The following SLC25A38 variants were observed in gnomAD, a reference collection of about 807,000 sequenced individuals.
The protein encoded by SLC25A38 is mitochondrial glycine transporter.
In SLC25A38, 27 loss-of-function variants were observed where a neutral mutation model predicts 33.4. The observed-to-expected ratio is 0.81, with a 90% CI of 0.60 to 1.11. The LOEUF (loss-of-function observed/expected upper bound fraction) is 1.11, where lower values mean the gene tolerates loss of function less well. Ranked by LOEUF, SLC25A38 falls within the 50% of genes most tolerant of loss-of-function variation. SLC25A38 has a pLI of 0.00. For synonymous variants in SLC25A38, 123 were observed against 145.9 expected (o/e 0.84, Z 1.13); for missense variants, 344 against 388.8 (o/e 0.88, Z 0.97).
At chr3:39,387,690 C>T (rs753116998) in intron 1 of SLC25A38, 1 of 152,476 alleles carries the variant, frequency 6.6e-6, no homozygotes, top group Non-Finnish European at 1.5e-5. Flanking sequence ...CCAGCCTGGG[C>T]TGGAGATGTG....
At chr3:39,385,662 A>G (rs953756751) in intron 1 of SLC25A38, among the ~76,000 whole-genome samples, 1 of 152,182 alleles carries the variant, frequency 6.6e-6, no homozygotes, top group Non-Finnish European at 1.5e-5. Flanking sequence ...TTAGGTGGTA[A>G]GATTCATTCC....
At chr3:39,394,252 AC>A (rs1355416455) in intron 5 of SLC25A38, among the ~76,000 whole-genome samples, 157 bp from the exon 6 acceptor site, 1 of 152,214 alleles carries the variant, frequency 6.6e-6, no homozygotes, top group African/African-American at 2.4e-5. Flanking sequence ...CATTCCATCC[AC>A]ATAAATTTAC....
intron 5 of SLC25A38, among the ~76,000 whole-genome samples, chr3:39,393,113 G>A (rs147328395): frequency 5.9e-5 from 9 of 152,160 alleles, no homozygotes; most frequent in Non-Finnish European, 7.4e-5. Flanking sequence ...GGTGAAACCT[G>A]GTCTTTACTA....
chr3:39,392,637 CA>C (rs2041785128), intron 5 of SLC25A38, among the ~76,000 whole-genome samples: 1 of 151,928 alleles, frequency 6.6e-6, no homozygotes, highest in African/African-American at 2.4e-5. Flanking sequence ...AGGCAGTAAA[CA>C]ACGACCCAAG....
In SLC25A38 at chr3:39,396,188, C is replaced by T. The variant is rs567326101; in HGVS notation, c.793-210C>T. On this transcript the variant is annotated intron_variant, in intron 6 of 6. Coordinates refer to ENST00000650617, the MANE Select transcript of SLC25A38 (RefSeq NM_017875.4). ...TCGCGCCACTGCACTATAGCCTGGG[C>T]GACAGAGCCAGACTCTGCCTCGGAA... Among the ~76,000 whole-genome samples the T allele has an allele frequency of 1.2e-3, 188 of 151,394 alleles. 1 individual carries two copies. Among genetic ancestry groups the T allele is most frequent in the African/African-American group, 4.3e-3 (177 of 41,266 alleles).
chr3:39,384,454 TG>T (rs962125842), intron 1 of SLC25A38: 2 of 379,666 alleles, frequency 5.3e-6, no homozygotes, highest in African/African-American at 4.2e-5. Flanking sequence ...CTGAGGCCAC[TG>T]CAGCTGCCGC....
chr3:39,394,556 G>A lies in SLC25A38; in HGVS notation c.772G>A (p.Ala258Thr). The A allele has an allele frequency of 1.2e-6, 2 of 1,614,172 alleles. No homozygotes were observed. The highest frequency in any genetic ancestry group is 8.5e-7 in the Non-Finnish European group (1 of 1,180,032). Residue 258 changes from alanine to threonine, a missense_variant, in exon 6 of 7, where the codon GCA (alanine) becomes ACA (threonine). Coordinates refer to ENST00000650617, the MANE Select transcript of SLC25A38 (RefSeq NM_017875.4). ...ACTGAAGTTTCAATGGATTGGCCAA[G>A]CAGTGACACTTATTTTCAAAGTAAG... ...YPLKFQWIGQ[A>T]VTLIFKDYGL...
intron 1 of SLC25A38, among the ~76,000 whole-genome samples, chr3:39,387,364 G>A (rs2041717987): frequency 6.6e-6 from 1 of 152,202 alleles, no homozygotes; most frequent in Non-Finnish European, 1.5e-5. Context: ...TACTCTGGGA[G>A]CAGAGTGGAG....
At position 39,383,707 on chromosome 3, in the gene SLC25A38, T is replaced by C. The variant is rs1410065766; in HGVS notation, c.-18T>C. On this transcript the variant is annotated 5_prime_UTR_variant, in exon 1 of 7. Coordinates refer to ENST00000650617, the MANE Select transcript of SLC25A38 (RefSeq NM_017875.4). Reference sequence around the variant, plus strand: ...CGACGGCACCCTGGGCCCAGAGGACTCGCGGGCCTCATCTCCAATGATTCA... The same window carrying C: ...CGACGGCACCCTGGGCCCAGAGGACCCGCGGGCCTCATCTCCAATGATTCA... 1 of 1,613,850 alleles carries C rather than the reference T, an allele frequency of 6.2e-7. No homozygotes were observed. Among genetic ancestry groups the C allele is most frequent in the Non-Finnish European group, 8.5e-7 (1 of 1,179,898 alleles).
At position 39,389,380 on chromosome 3, in the gene SLC25A38, GCAC is replaced by G; in HGVS notation, c.70-109_70-107del. The G allele has an allele frequency of 6.5e-7, 1 of 1,528,308 alleles. No individual in the cohort carries two copies. The highest frequency in any genetic ancestry group is 1.1e-5 in the South Asian group (1 of 87,948). 94.7% of individuals were successfully genotyped at this position (1,528,308 alleles called of 1,614,324 possible). ...CTCCGAGGTATGAAGAAAACATGAG[GCAC>G]CACCAGGTAAGTGTCTAAGAGACCA... On this transcript the variant is annotated intron_variant, in intron 1 of 6. Transcript: ENST00000650617. The surrounding 1 kb of genome is among the most constrained non-coding windows in gnomAD (Gnocchi z 4.5).
rs2041749419 is a variant in SLC25A38, at chr3:39,390,428, G to C, written c.197G>C (p.Arg66Thr). 1 of 1,614,170 alleles carries C rather than the reference G, an allele frequency of 6.2e-7. No individual in the cohort carries two copies. The highest frequency in any genetic ancestry group is 8.5e-7 in the Non-Finnish European group (1 of 1,180,030). Reference protein sequence around the residue: ...QTLQPSDHGSRRVGMLAVLLK... With the variant: ...QTLQPSDHGSTRVGMLAVLLK... ...TCCATTTTGTCTGCTTTCAGGTCTA[G>C]ACGTGTTGGGATGTTGGCTGTACTC... The change falls in exon 3 of 7, where the codon AGA becomes ACA. Residue 66 changes from arginine to threonine, a missense_variant. This residue lies in a region of SLC25A38 where 269 missense variants were observed against 271.8 expected (regional missense o/e 0.99). Transcript: ENST00000650617.
chr3:39,386,608 T>C (rs1456181162), intron 1 of SLC25A38, among the ~76,000 whole-genome samples: 1 of 152,160 alleles, frequency 6.6e-6, no homozygotes, highest in Admixed American at 6.5e-5. Flanking sequence ...TGACTATGGC[T>C]TCAGGGTAAA....
chr3:39,394,640 T>G, intron 6 of SLC25A38, 64 bp downstream of exon 6: 1 of 1,585,760 alleles, frequency 6.3e-7, no homozygotes, highest in Non-Finnish European at 8.6e-7. Context: ...GAGCAGTAGT[T>G]CTTACCCTTC....
intron 5 of SLC25A38, among the ~76,000 whole-genome samples, chr3:39,393,300 A>C (rs2041794422): frequency 6.6e-6 from 1 of 152,186 alleles, no homozygotes; most frequent in African/African-American, 2.4e-5. Context: ...TCTCAAAAAA[A>C]AAAATCGATC....
chr3:39,392,501 C>A (rs2041783353), intron 5 of SLC25A38, among the ~76,000 whole-genome samples: 1 of 151,906 alleles, frequency 6.6e-6, no homozygotes, highest in African/African-American at 2.4e-5. Flanking sequence ...TTGCTGTGTT[C>A]CCAGTTAACA....
chr3:39,385,580 G>C (rs746497317), intron 1 of SLC25A38, among the ~76,000 whole-genome samples: 3 of 152,056 alleles, frequency 2.0e-5, no homozygotes, highest in Non-Finnish European at 4.4e-5. Flanking sequence ...CCCATCCTGG[G>C]ATGAGTCATG....
At position 39,383,573 on chromosome 3, in the gene SLC25A38, G is replaced by A. The variant is rs2041671322; in HGVS notation, c.-152G>A. On this transcript the variant is annotated 5_prime_UTR_variant, in exon 1 of 7. It adds an upstream start codon to the 5' untranslated region. Coordinates refer to ENST00000650617, the MANE Select transcript of SLC25A38 (RefSeq NM_017875.4). ...GCAGGATCCGAACCCCGGCGGCTGCGTGCTTATAGGCGCAGACGTCAGAGA... is the reference window on the plus strand; with the variant it reads ...GCAGGATCCGAACCCCGGCGGCTGCATGCTTATAGGCGCAGACGTCAGAGA... 1.3e-6 allele frequency: 1 copy of A among 785,866 alleles called. No homozygotes were observed. Among genetic ancestry groups the A allele is most frequent in the Non-Finnish European group, 2.1e-6 (1 of 473,956 alleles). 48.7% of individuals were successfully genotyped at this position (785,866 alleles called of 1,614,324 possible). A position where few individuals can be genotyped will look rare whatever the true frequency, so the allele number is the denominator to read the frequency against.
At position 39,396,757 on chromosome 3, in the gene SLC25A38, G is replaced by A; in HGVS notation, c.*237G>A. On this transcript the variant is annotated 3_prime_UTR_variant, in exon 7 of 7. Transcript: ENST00000650617. ...TAGAGCACACTAGGGTGTTAGGAGA[G>A]AGCTTTGCATACTCTGAGAGGCTAC... 1 of 605,372 alleles carries A rather than the reference G, an allele frequency of 1.7e-6. No homozygotes were observed. Among genetic ancestry groups the A allele is most frequent in the Non-Finnish European group, 2.9e-6 (1 of 348,218 alleles). 37.5% of individuals were successfully genotyped at this position (605,372 alleles called of 1,614,324 possible). A position where few individuals can be genotyped will look rare whatever the true frequency, so the allele number is the denominator to read the frequency against.
intron 5 of SLC25A38, among the ~76,000 whole-genome samples, chr3:39,392,610 A>G (rs1029399229): frequency 2.0e-5 from 3 of 152,136 alleles, no homozygotes; most frequent in Admixed American, 6.6e-5. Context: ...GTTGGGCTAG[A>G]CATGGACAAA....
Sources: gnomAD v4.1 joint callset for allele counts (sites outside exome capture counted in the v4.1 genomes callset) on GRCh38, gnomAD v4.1.1 for gene constraint, gnomAD v4.1.1 regional missense constraint, Gnocchi (gnomAD v3.1) non-coding constraint, MANE v1.5 for transcripts, NCBI Gene and HGNC (gene_info 2026-07-23, HGNC 2026-07-21) for gene names.